The following UBR4 variants were observed in gnomAD, a reference collection of about 807,000 sequenced individuals.
The protein encoded by UBR4 is ubiquitin protein ligase E3 component n-recognin 4.
A neutral mutation model predicts 575.6 loss-of-function variants in UBR4; 124 were observed. The observed-to-expected ratio is 0.22, with a 90% confidence interval of 0.19 to 0.25. UBR4 has a LOEUF of 0.25. Ranked by LOEUF, UBR4 falls within the 10% of genes least tolerant of loss-of-function variation. The pLI is 1.00. For synonymous variants in UBR4, 2,455 were observed against 2,473.7 expected (o/e 0.99, Z 0.22); for missense variants, 4,818 against 6,478.8 (o/e 0.74, Z 8.80).
chr1:19,207,750 C>A (rs1453779823), intron 1 of UBR4, among the ~76,000 whole-genome samples: 1 of 151,764 alleles, frequency 6.6e-6, no homozygotes, highest in African/African-American at 2.4e-5. Flanking sequence ...AGGAAGTCAC[C>A]TGTTTTTGTA....
intron 98 of UBR4, 41 bp from the exon 99 acceptor site, chr1:19,087,970 A>G (rs1003896041): frequency 2.7e-6 from 4 of 1,505,884 alleles, no homozygotes; most frequent in Non-Finnish European, 3.6e-6. Context: ...GGATTTCCAC[A>G]CACCCTCTCC....
At chr1:19,141,617 C>A in intron 56 of UBR4, 30 bp downstream of exon 56, 1 of 1,611,612 alleles carries the variant, frequency 6.2e-7, no homozygotes, top group Non-Finnish European at 8.5e-7. Flanking sequence ...TGAAGCTCCT[C>A]CTCCCCTTCT....
At chr1:19,149,484 C>T (rs2085344360) in intron 49 of UBR4, among the ~76,000 whole-genome samples, 1 of 152,138 alleles carries the variant, frequency 6.6e-6, no homozygotes, top group Non-Finnish European at 1.5e-5. Flanking sequence ...CTACCCCAAA[C>T]CCCCTTTTCA....
intron 11 of UBR4, among the ~76,000 whole-genome samples, chr1:19,191,685 G>C (rs987256802): frequency 1.3e-5 from 2 of 152,096 alleles, no homozygotes; most frequent in African/African-American, 2.4e-5. Context: ...GTATATAATA[G>C]GGATTGAATG....
chr1:19,131,533 A>C (rs574490504), intron 60 of UBR4, among the ~76,000 whole-genome samples: 1 of 152,194 alleles, frequency 6.6e-6, no homozygotes, highest in Non-Finnish European at 1.5e-5. Context: ...ATCCTAAGAT[A>C]TAACACCATT....
At chr1:19,125,521 GCTA>G (rs1557686324) in intron 64 of UBR4, 2 of 152,242 alleles carry the variant, frequency 1.3e-5, no homozygotes, top group African/African-American at 4.8e-5. Context: ...CTAGGAATTC[GCTA>G]GACAGGAGAA....
intron 11 of UBR4, among the ~76,000 whole-genome samples, chr1:19,191,924 T>C (rs1299031934): frequency 1.3e-5 from 2 of 152,228 alleles, no homozygotes; most frequent in African/African-American, 4.8e-5. Flanking sequence ...GTGAACTTCA[T>C]AAAATTCCTG....
intron 78 of UBR4, 91 bp downstream of exon 78, chr1:19,112,433 A>C: frequency 7.1e-7 from 1 of 1,404,864 alleles, no homozygotes. Flanking sequence ...GGTGGTCAGA[A>C]GCACTATTCT....
intron 73 of UBR4, among the ~76,000 whole-genome samples, chr1:19,116,719 G>A (rs1036260050): frequency 6.6e-6 from 1 of 152,186 alleles, no homozygotes; most frequent in Non-Finnish European, 1.5e-5. Flanking sequence ...TCAGTCACTG[G>A]GATACATGGG....
At position 19,167,239 on chromosome 1, in the gene UBR4, A is replaced by C; in HGVS notation, c.3900-8T>G. Reference sequence around the variant, plus strand: ...TTCATCTCATCTGACCAACTTCAGCAAAGAAAATGAAATCGAGTTAGTGAA... The same window carrying C: ...TTCATCTCATCTGACCAACTTCAGCCAAGAAAATGAAATCGAGTTAGTGAA... On this transcript the variant is annotated splice_polypyrimidine_tract_variant and splice_region_variant and intron_variant, in intron 28 of 105. Coordinates refer to ENST00000375254, the MANE Select transcript of UBR4 (RefSeq NM_020765.3). 1.2e-6 allele frequency: 2 copies of C among 1,614,124 alleles called. No individual in the cohort carries two copies. The highest frequency in any genetic ancestry group is 1.7e-6 in the Non-Finnish European group (2 of 1,179,946).
At chr1:19,164,472 T>C (rs572629746) in intron 32 of UBR4, 31 bp from the exon 33 acceptor site, 1 of 1,597,732 alleles carries the variant, frequency 6.3e-7, no homozygotes, top group Non-Finnish European at 8.5e-7. Context: ...AGTTGGTGAA[T>C]AATCAACAGG....
intron 102 of UBR4, among the ~76,000 whole-genome samples, chr1:19,083,432 G>C (rs1570202688): frequency 6.6e-6 from 1 of 152,252 alleles, no homozygotes; most frequent in East Asian, 1.9e-4. Flanking sequence ...GGGGTGAGCT[G>C]TACACAACCT....
Position 19,168,119 on chromosome 1 carries a change from G to A in UBR4, c.3807C>T (p.His1269=). The stretch of plus-strand genomic sequence containing the variant: ...GACTTTGGCTACAGAGAGTCCCCAG[G>A]TGTGCAGCCTGCACTGCACTAATAT... ...ESYISAVQAA[H]LGTLCSQSLP... is the part of the protein sequence containing the mutation. The change falls in exon 28 of 106, where the codon CAC becomes CAT. Residue 1269 remains histidine (H), a synonymous_variant. Transcript: ENST00000375254. 1.2e-6 allele frequency: 2 copies of A among 1,613,504 alleles called. No individual in the cohort carries two copies. Among genetic ancestry groups the A allele is most frequent in the South Asian group, 1.1e-5 (1 of 91,028 alleles).
At chr1:19,161,218 C>T (rs911664584) in intron 37 of UBR4, 71 bp from the exon 38 acceptor site, 6 of 1,443,552 alleles carry the variant, frequency 4.2e-6, no homozygotes, top group Middle Eastern at 1.7e-4. Flanking sequence ...CTGAGATCTC[C>T]GAGGAAAATT....
chr1:19,081,277 G>A (rs16862514), intron 103 of UBR4, 72 bp downstream of exon 103: 42,851 of 1,341,048 alleles, frequency 0.032, 1,086 homozygotes, highest in African/African-American at 0.12. Context: ...TAGCACGTGC[G>A]TACCACTAAG....
intron 81 of UBR4, 48 bp from the exon 82 acceptor site, chr1:19,107,014 G>A (rs1264787485): frequency 1.9e-6 from 3 of 1,604,040 alleles, no homozygotes; most frequent in Non-Finnish European, 2.6e-6. Context: ...GGGCACACCT[G>A]AGCCATAGCC....
At chr1:19,098,539 A>G (rs1040424690) in intron 90 of UBR4, among the ~76,000 whole-genome samples, 3 of 152,214 alleles carry the variant, frequency 2.0e-5, no homozygotes, top group Non-Finnish European at 2.9e-5. Context: ...TTTTATATGC[A>G]TCAGGGATTA....
chr1:19,128,252 G>C lies in UBR4; in HGVS notation c.9070C>G (p.Leu3024Val). Residue 3024 changes from leucine (L) to valine (V), a missense_variant, in exon 62 of 106, where the codon CTG becomes GTG. Physicochemically the swap from Leu to Val is conservative, Grantham distance 32 (BLOSUM62 1). Transcript: ENST00000375254. ...DEKDKGALDNLLSQLIAELGM... is the reference protein window; with the variant it reads ...DEKDKGALDNVLSQLIAELGM... ...AACTCAGCAATAAGCTGGGAGAGCA[G>C]GTTGTCTAGGGCCCCCTTGTCTTTC... The C allele has an allele frequency of 1.2e-6, 2 of 1,614,088 alleles. No homozygotes were observed. The highest frequency in any genetic ancestry group is 1.7e-6 in the Non-Finnish European group (2 of 1,179,972).
chr1:19,117,306 C>A lies in UBR4; in HGVS notation c.10738G>T (p.Asp3580Tyr). ...CGCACCATCTTGGTCCGTTTCAGAT[C>A]CCCGATTTTCACTGTCACTTTGCTG... ...TISKVTVKIG[D>Y]LKRTKMVRTI... The change falls in exon 73 of 106, where the codon GAT becomes TAT. Residue 3580 changes from aspartate to tyrosine, a missense_variant. Around this residue, in one of 29 missense-constraint regions of UBR4, gnomAD observed 550 missense variants for 791.5 expected, o/e 0.69. Transcript: ENST00000375254. The surrounding 1 kb of genome is among the most constrained non-coding windows in gnomAD (Gnocchi z 4.0). The A allele has an allele frequency of 6.2e-7, 1 of 1,614,152 alleles. No individual in the cohort carries two copies. The highest frequency in any genetic ancestry group is 8.5e-7 in the Non-Finnish European group (1 of 1,180,036).
Sources: allele counts gnomAD v4.1 joint callset (sites outside exome capture counted in the v4.1 genomes callset), GRCh38; gene constraint gnomAD v4.1.1; regional missense constraint gnomAD v4.1.1; non-coding constraint Gnocchi (gnomAD v3.1); transcripts MANE v1.5; gene names NCBI Gene and HGNC (gene_info 2026-07-23, HGNC 2026-07-21).